CHL1: variants seen among roughly 807,000 people sequenced by gnomAD.
CHL1 encodes cell adhesion molecule L1 like.
In CHL1, 96 loss-of-function variants were observed where a neutral mutation model predicts 141.9. The observed-to-expected ratio is 0.68, with a 90% CI of 0.57 to 0.80. The LOEUF (loss-of-function observed/expected upper bound fraction) is 0.80, where lower values mean the gene tolerates loss of function less well. CHL1 is among the 30% of genes least tolerant of loss of function. The pLI is 0.00. For missense variants in CHL1, 1,820 were observed against 1,457.2 expected (o/e 1.25, Z -4.05); for synonymous variants, 613 against 502.2 (o/e 1.22, Z -2.95).
intron 2 of CHL1, among the ~76,000 whole-genome samples, chr3:314,329 G>GTGTATATA (rs1455318071): frequency 3.2e-4 from 21 of 65,334 alleles, no homozygotes; most frequent in East Asian, 2.6e-3. Flanking sequence ...CTCTCTATGT[G>GTGTATATA]TATATATATA....
At position 361,784 on chromosome 3, in the gene CHL1, T is replaced by C. The variant is rs771096222; in HGVS notation, c.1392T>C (p.Phe464=). ...GYSAFLHCEF[F]ASPEAVVSWQ... is the part of the protein sequence containing the mutation. ...GTGCTTTCTTACATTGCGAGTTCTTTGCTTCACCTGAGGCAGTCGTGTCCT... is the reference window on the plus strand; with the variant it reads ...GTGCTTTCTTACATTGCGAGTTCTTCGCTTCACCTGAGGCAGTCGTGTCCT... The change falls in exon 13 of 28, where the codon TTT becomes TTC. Residue 464 remains phenylalanine (F), a synonymous_variant. Coordinates refer to ENST00000256509, the MANE Select transcript of CHL1 (RefSeq NM_006614.4). 1.9e-6 allele frequency: 3 copies of C among 1,613,238 alleles called. No homozygotes were observed. In the South Asian group the frequency reaches 3.3e-5, roughly 18 times the overall value.
chr3:350,808 A>T (rs533276043), intron 10 of CHL1, among the ~76,000 whole-genome samples: 28 of 152,306 alleles, frequency 1.8e-4, no homozygotes, highest in African/African-American at 5.8e-4. Flanking sequence ...ACTTATATAG[A>T]TATGCATTAA....
intron 22 of CHL1, among the ~76,000 whole-genome samples, 166 bp from the exon 23 acceptor site, chr3:391,507 ACT>A (rs1178001281): frequency 6.6e-6 from 1 of 152,014 alleles, no homozygotes; most frequent in South Asian, 2.1e-4. Context: ...GCCACGTGAG[ACT>A]CTGTCTCAAA....
chr3:234,918 A>T (rs944198470), intron 1 of CHL1, among the ~76,000 whole-genome samples: 3 of 152,142 alleles, frequency 2.0e-5, no homozygotes, highest in African/African-American at 4.8e-5. Flanking sequence ...ACACCTAAAT[A>T]AGCCTAAAAG....
intron 15 of CHL1, among the ~76,000 whole-genome samples, chr3:366,740 C>G (rs1704948545): frequency 1.3e-5 from 2 of 150,776 alleles, no homozygotes; most frequent in South Asian, 2.1e-4. Context: ...GCATACTAGT[C>G]TTCTAGGTTC....
chr3:349,233 A>G (rs80226050), intron 9 of CHL1, 126 bp from the exon 10 acceptor site: 29,159 of 743,042 alleles, frequency 0.039, 688 homozygotes, highest in Middle Eastern at 0.058. Flanking sequence ...GGTAAGGATG[A>G]CGTGATTCAG....
At chr3:396,755 C>T (rs978712345) in intron 24 of CHL1, among the ~76,000 whole-genome samples, 5 of 152,064 alleles carry the variant, frequency 3.3e-5, no homozygotes, top group Non-Finnish European at 2.9e-5. Context: ...GCCCCCTTCC[C>T]GAGTTGACAC....
chr3:349,508 G>C lies in CHL1; in HGVS notation c.998G>C (p.Gly333Ala), dbSNP rs552287486. The C allele has an allele frequency of 3.1e-6, 5 of 1,613,718 alleles. No homozygotes were observed. The highest frequency in any genetic ancestry group is 3.3e-5 in the Admixed American group (2 of 59,884). ...NYRCTASNFL[G>A]TATHDFHVIV... ...CGCTGCACAGCCAGCAATTTCTTGG[G>C]AACAGCCACTCACGATTTTCACGTT... is the stretch of plus-strand genomic sequence containing the variant. The change falls in exon 10 of 28, where the codon GGA becomes GCA. Residue 333 changes from glycine (G) to alanine (A), a missense_variant. Physicochemically the swap from Gly to Ala is moderately conservative, Grantham distance 60. Coordinates refer to ENST00000256509, the MANE Select transcript of CHL1 (RefSeq NM_006614.4).
intron 2 of CHL1, among the ~76,000 whole-genome samples, chr3:297,076 G>A (rs777736246): frequency 2.0e-5 from 3 of 151,826 alleles, no homozygotes; most frequent in Non-Finnish European, 4.4e-5. Flanking sequence ...ACAAGGGAGA[G>A]ATAGCCAGGC....
At chr3:322,420 C>T (rs1424172654) in intron 3 of CHL1, among the ~76,000 whole-genome samples, 1 of 151,694 alleles carries the variant, frequency 6.6e-6, no homozygotes, top group Non-Finnish European at 1.5e-5. Flanking sequence ...CCCAGGGACA[C>T]ATCCAGATGG....
At chr3:289,791 T>A (rs1339499051) in intron 2 of CHL1, among the ~76,000 whole-genome samples, 3 of 151,730 alleles carry the variant, frequency 2.0e-5, no homozygotes, top group African/African-American at 7.3e-5. Context: ...ATTTAATACA[T>A]CTTATTTAAT....
intron 27 of CHL1, 116 bp downstream of exon 27, chr3:401,814 C>G (rs927163068): frequency 5.0e-6 from 3 of 596,120 alleles, no homozygotes; most frequent in Non-Finnish European, 8.4e-6. Flanking sequence ...TGTAATGACC[C>G]TATAAAGAAT....
chr3:319,734 T>A lies in CHL1; in HGVS notation c.-43T>A, dbSNP rs756039526. ...GTAAACCAAAAGTGAGAGGAGACAT[T>A]AAGATTTTCATTCTTACCGGGTTGT... On this transcript the variant is annotated 5_prime_UTR_variant, in exon 3 of 28. Transcript: ENST00000256509. 9 of 1,344,364 alleles carry A rather than the reference T, an allele frequency of 6.7e-6. No homozygotes were observed. The South Asian group carries it at 1.1e-4, about 16-fold the overall frequency. The allele number at this position is 1,344,364 out of a possible 1,614,324, so 83.3% of individuals were successfully genotyped here. A position where few individuals can be genotyped will look rare whatever the true frequency, so the allele number is the denominator to read the frequency against.
intron 15 of CHL1, among the ~76,000 whole-genome samples, chr3:372,694 A>T (rs953057329): frequency 6.6e-6 from 1 of 151,276 alleles, no homozygotes; most frequent in African/African-American, 2.4e-5. Flanking sequence ...GGTTTTTAGC[A>T]TTTTTTTTGT....
chr3:241,762 A>T (rs904883910), intron 1 of CHL1, among the ~76,000 whole-genome samples: 2 of 151,990 alleles, frequency 1.3e-5, no homozygotes, highest in Non-Finnish European at 2.9e-5. Context: ...TCTTTTTAAT[A>T]TTCCTCTCCA....
intron 26 of CHL1, among the ~76,000 whole-genome samples, chr3:401,380 G>A (rs756552964): frequency 5.3e-5 from 8 of 152,174 alleles, no homozygotes; most frequent in Non-Finnish European, 7.3e-5. Context: ...GAGTAGTCAC[G>A]TGAAAATATG....
intron 10 of CHL1, 61 bp downstream of exon 10, chr3:349,604 T>A: frequency 7.3e-7 from 1 of 1,367,390 alleles, no homozygotes; most frequent in Non-Finnish European, 1.0e-6. Flanking sequence ...ATACATGTAG[T>A]AGGCCTTGCT....
chr3:400,116 A>C (rs1709002066), intron 26 of CHL1, among the ~76,000 whole-genome samples: 1 of 152,206 alleles, frequency 6.6e-6, no homozygotes, highest in Non-Finnish European at 1.5e-5. Flanking sequence ...TTATAAAGGG[A>C]CAAAGATTTA....
intron 1 of CHL1, among the ~76,000 whole-genome samples, chr3:243,595 T>C (rs1007273487): frequency 6.6e-6 from 1 of 152,186 alleles, no homozygotes; most frequent in Non-Finnish European, 1.5e-5. Flanking sequence ...CTCAGTGTAT[T>C]GGTGTGAGGT....
Sources: allele counts gnomAD v4.1 joint callset (sites outside exome capture counted in the v4.1 genomes callset), GRCh38; gene constraint gnomAD v4.1.1; transcripts MANE v1.5; gene names NCBI Gene and HGNC (gene_info 2026-07-23, HGNC 2026-07-21).